The following ARHGEF10 variants were observed in gnomAD, a reference collection of about 807,000 sequenced individuals.
The protein encoded by ARHGEF10 is Rho guanine nucleotide exchange factor (GEF) 10.
In ARHGEF10, 140 loss-of-function variants were observed where a neutral mutation model predicts 147.4. The ratio of observed to expected loss-of-function variants is 0.95; its 90% confidence interval spans 0.83 to 1.09. The LOEUF (loss-of-function observed/expected upper bound fraction) is 1.09. Ranked by LOEUF, ARHGEF10 falls within the 50% of genes least tolerant of loss-of-function variation. ARHGEF10 has a pLI of 0.00. For missense variants in ARHGEF10, 2,222 were observed against 1,752.7 expected (o/e 1.27, Z -4.78); for synonymous variants, 902 against 695.8 (o/e 1.30, Z -4.67).
chr8:1,830,038 C>T (rs1802995604), intron 1 of ARHGEF10, among the ~76,000 whole-genome samples: 1 of 152,204 alleles, frequency 6.6e-6, no homozygotes, highest in Non-Finnish European at 1.5e-5. Context: ...TCTCTGCCAG[C>T]CGTCAGAGGG....
At chr8:1,916,265 A>T (rs1007139084) in intron 18 of ARHGEF10, among the ~76,000 whole-genome samples, 1 of 152,188 alleles carries the variant, frequency 6.6e-6, no homozygotes, top group South Asian at 2.1e-4. Flanking sequence ...ACGGGGTCCT[A>T]TCTCTGTGGG....
chr8:1,894,600 C>T (rs750226512), intron 13 of ARHGEF10, 28 bp downstream of exon 13: 2 of 1,611,946 alleles, frequency 1.2e-6, no homozygotes, highest in African/African-American at 2.7e-5. Flanking sequence ...CCTGGATGTC[C>T]ATGGGGCTCT....
chr8:1,892,881 G>T (rs188331449), intron 11 of ARHGEF10, among the ~76,000 whole-genome samples: 3 of 152,240 alleles, frequency 2.0e-5, no homozygotes, highest in African/African-American at 7.2e-5. Flanking sequence ...AATGCCGGGC[G>T]TCCTCATAGG....
chr8:1,871,775 C>G (rs1807149295), intron 7 of ARHGEF10, among the ~76,000 whole-genome samples: 1 of 152,132 alleles, frequency 6.6e-6, no homozygotes, highest in Non-Finnish European at 1.5e-5. Context: ...CGAGGTTGCA[C>G]CACTACACTC....
At chr8:1,916,200 G>T (rs183963788) in intron 18 of ARHGEF10, among the ~76,000 whole-genome samples, 1 of 152,190 alleles carries the variant, frequency 6.6e-6, no homozygotes, top group East Asian at 1.9e-4. Context: ...CTCTCTCTGT[G>T]TCCTAAGTGC....
intron 18 of ARHGEF10, among the ~76,000 whole-genome samples, chr8:1,920,859 A>G (rs1379160777): frequency 6.9e-6 from 1 of 145,502 alleles, no homozygotes; most frequent in Non-Finnish European, 1.5e-5. Context: ...ATCTTGGCTC[A>G]CCATGACCTC....
At position 1,945,581 on chromosome 8, in the gene ARHGEF10, G is replaced by A. The variant is rs779333941; in HGVS notation, c.3323G>A (p.Arg1108His). Residue 1108 changes from arginine (R) to histidine (H), a missense_variant, in exon 27 of 29, where the codon CGC (arginine) becomes CAC (histidine). Coordinates refer to ENST00000349830, the MANE Select transcript of ARHGEF10 (RefSeq NM_014629.4). ...WIAFTSGSTL[R>H]LFHTETLKHL... ...GCCTTCACCTCAGGGTCCACGCTCC[G>A]CCTTTTTCACACGGAAACTCTCAAG... is the stretch of plus-strand genomic sequence containing the variant. The A allele has an allele frequency of 2.1e-5, 34 of 1,614,118 alleles. No individual in the cohort carries two copies. Among genetic ancestry groups the A allele is most frequent in the Admixed American group, 3.3e-5 (2 of 60,014 alleles).
At chr8:1,940,784 A>G (rs1410123132) in intron 26 of ARHGEF10, among the ~76,000 whole-genome samples, 1 of 152,356 alleles carries the variant, frequency 6.6e-6, no homozygotes, top group East Asian at 1.9e-4. Context: ...TGGAAAAATG[A>G]GATGGATTCC....
chr8:1,831,957 C>G (rs76213820), intron 1 of ARHGEF10, among the ~76,000 whole-genome samples: 1 of 152,270 alleles, frequency 6.6e-6, no homozygotes, highest in South Asian at 2.1e-4. Flanking sequence ...GAAACCAGCA[C>G]GTTGGCAGGA....
chr8:1,823,597 T>C (rs1802535637), upstream of ARHGEF10, among the ~76,000 whole-genome samples: 1 of 151,546 alleles, frequency 6.6e-6, no homozygotes. Flanking sequence ...GAGCAGGCTC[T>C]GCGGGGAGGA....
At position 1,925,318 on chromosome 8, in the gene ARHGEF10, G is replaced by T. The variant is rs748409919; in HGVS notation, c.2524G>T (p.Asp842Tyr). The T allele has an allele frequency of 6.2e-7, 1 of 1,614,204 alleles. No homozygotes were observed. The highest frequency in any genetic ancestry group is 1.1e-5 in the South Asian group (1 of 91,086). The change falls in exon 22 of 29, where the codon GAC (aspartate) becomes TAC (tyrosine). Residue 842 changes from aspartate to tyrosine, a missense_variant. Asp to Tyr is a radical substitution (Grantham distance 160). Transcript: ENST00000349830. ...ENHMGWFCVEDDGNHIKKEKH... is the reference protein window; with the variant it reads ...ENHMGWFCVEYDGNHIKKEKH... ...CCACATGGGCTGGTTCTGTGTGGAA[G>T]ACGATGGGAATCACATTAAAAAGGA...
At chr8:1,863,677 T>G (rs139897053) in intron 4 of ARHGEF10, among the ~76,000 whole-genome samples, 21 of 152,184 alleles carry the variant, frequency 1.4e-4, no homozygotes, top group African/African-American at 4.8e-4. Context: ...AGGGTCTGCT[T>G]CTTCTGCACT....
intron 1 of ARHGEF10, among the ~76,000 whole-genome samples, chr8:1,842,207 G>A (rs1804150102): frequency 6.6e-6 from 1 of 151,994 alleles, no homozygotes; most frequent in African/African-American, 2.4e-5. Context: ...ATACAGGAAG[G>A]CAGAAGGGCG....
At position 1,885,707 on chromosome 8, in the gene ARHGEF10, G is replaced by C; in HGVS notation, c.1182G>C (p.Gln394His). ...TGCCCGAGGGTTTATCTCAGCAGCA[G>C]GTGAGATGAGCAGAGCTGACAGGGG... ...TPMPEGLSQQ[Q>H]VVRRYILGSV... The change falls in exon 11 of 29, where the codon CAG (glutamine) becomes CAC (histidine). Residue 394 changes from glutamine to histidine, a missense_variant and splice_region_variant. Physicochemically the swap from Gln to His is conservative, Grantham distance 24. Transcript: ENST00000349830. 6.2e-7 allele frequency: 1 copy of C among 1,612,132 alleles called. No homozygotes were observed. The highest frequency in any genetic ancestry group is 1.1e-5 in the South Asian group (1 of 91,050).
intron 18 of ARHGEF10, among the ~76,000 whole-genome samples, chr8:1,920,958 G>GT (rs748753524): frequency 6.6e-6 from 1 of 152,052 alleles, no homozygotes; most frequent in Non-Finnish European, 1.5e-5. Context: ...AGCTAATTTT[G>GT]TATTTTTAGT....
At chr8:1,831,349 C>T (rs1422078929) in intron 1 of ARHGEF10, among the ~76,000 whole-genome samples, 1 of 146,178 alleles carries the variant, frequency 6.8e-6, no homozygotes, top group African/African-American at 2.6e-5. Flanking sequence ...GTGTGACGGC[C>T]ATGGAGGGAC....
At position 1,885,707 on chromosome 8, in the gene ARHGEF10, G is replaced by A. The variant is rs1279012994; in HGVS notation, c.1182G>A (p.Gln394=). 1.2e-6 allele frequency: 2 copies of A among 1,612,132 alleles called. No homozygotes were observed. The highest frequency in any genetic ancestry group is 3.3e-5 in the Admixed American group (2 of 60,020). Reference sequence around the variant, plus strand: ...TGCCCGAGGGTTTATCTCAGCAGCAGGTGAGATGAGCAGAGCTGACAGGGG... The same window carrying A: ...TGCCCGAGGGTTTATCTCAGCAGCAAGTGAGATGAGCAGAGCTGACAGGGG... ...TPMPEGLSQQ[Q]VVRRYILGSV... Residue 394 remains glutamine, a splice_region_variant and synonymous_variant, in exon 11 of 29, where the codon CAG becomes CAA. Coordinates refer to ENST00000349830, the MANE Select transcript of ARHGEF10 (RefSeq NM_014629.4).
In ARHGEF10 at chr8:1,956,749, G is replaced by A. The variant is rs761284753; in HGVS notation, c.3521G>A (p.Gly1174Glu). Residue 1174 changes from glycine to glutamate, a missense_variant and splice_region_variant, in exon 29 of 29, where the codon GGA becomes GAA. Gly to Glu is a moderately conservative substitution (Grantham distance 98, BLOSUM62 -2). Transcript: ENST00000349830. ...GCTGTTGAACTGTTTCCCTTTTCAG[G>A]AAGAGGCATGGTCTCCTACCATGCA... ...PRLQGIPKVT[G>E]RGMVSYHAHN... 3 of 1,613,610 alleles carry A rather than the reference G, an allele frequency of 1.9e-6. No homozygotes were observed. The highest frequency in any genetic ancestry group is 2.2e-5 in the East Asian group (1 of 44,888).
intron 1 of ARHGEF10, among the ~76,000 whole-genome samples, chr8:1,828,261 G>T (rs1295435633): frequency 1.3e-5 from 2 of 152,262 alleles, no homozygotes. Context: ...GTGGGGAACA[G>T]ACCCTTACAC....
Sources: allele counts gnomAD v4.1 joint callset (sites outside exome capture counted in the v4.1 genomes callset), GRCh38; gene constraint gnomAD v4.1.1; transcripts MANE v1.5; gene names NCBI Gene and HGNC (gene_info 2026-07-23, HGNC 2026-07-21).